DSCAM: variants seen among roughly 807,000 people sequenced by gnomAD.
DSCAM encodes the protein cell adhesion molecule DSCAM.
A neutral mutation model predicts 217.7 loss-of-function variants in DSCAM; 47 were observed. The ratio of observed to expected loss-of-function variants is 0.22; its 90% confidence interval spans 0.17 to 0.28. The LOEUF (loss-of-function observed/expected upper bound fraction) is 0.28, where lower values mean the gene tolerates loss of function less well. Ranked by LOEUF, DSCAM falls within the 10% of genes least tolerant of loss-of-function variation. DSCAM has a pLI of 1.00. For synonymous variants in DSCAM, 1,056 were observed against 1,015.3 expected, an observed-to-expected ratio of 1.04 and a Z score of -0.76; for missense variants, 2,080 against 2,618.3, an observed-to-expected ratio of 0.79 and a Z score of 4.49.
intron 2 of DSCAM, among the ~76,000 whole-genome samples, chr21:40,694,105 C>T (rs1028779837): frequency 6.6e-6 from 1 of 152,140 alleles, no homozygotes; most frequent in African/African-American, 2.4e-5. Flanking sequence ...GAGATGGATC[C>T]CCAGGGTTGG....
chr21:40,693,359 G>C lies in DSCAM; in HGVS notation c.362-403C>G, dbSNP rs2090560073. Among the ~76,000 whole-genome samples the C allele has an allele frequency of 3.9e-5, 6 of 152,176 alleles. No homozygotes were observed. The South Asian group carries it at 1.2e-3, about 32-fold the overall frequency. On this transcript the variant is annotated intron_variant, in intron 2 of 32. Transcript: ENST00000400454. ...GCTGAGATGAGATTACCTGAGCCTG[G>C]GAGGTTGAGGCTGCAGTGAGCTATA... is the stretch of plus-strand genomic sequence containing the variant.
intron 10 of DSCAM, among the ~76,000 whole-genome samples, chr21:40,281,975 C>T (rs1312211909): frequency 6.6e-6 from 1 of 152,050 alleles, no homozygotes; most frequent in South Asian, 2.1e-4. Context: ...TAGTTTTTAA[C>T]CATATATTGA....
At chr21:40,497,954 T>C (rs146899793) in intron 3 of DSCAM, among the ~76,000 whole-genome samples, 200 of 152,320 alleles carry the variant, frequency 1.3e-3, no homozygotes, top group African/African-American at 4.4e-3. Flanking sequence ...AAATATGAAG[T>C]ACTGGATTTC....
chr21:40,338,066 A>G, intron 8 of DSCAM, 35 bp downstream of exon 8: 2 of 1,605,812 alleles, frequency 1.2e-6, no homozygotes, highest in Non-Finnish European at 1.7e-6. Context: ...GGGCTATGGA[A>G]TGAGTTGTGT....
chr21:40,750,484 T>C (rs905202885), intron 1 of DSCAM, among the ~76,000 whole-genome samples: 4 of 152,188 alleles, frequency 2.6e-5, no homozygotes, highest in Non-Finnish European at 5.9e-5. Context: ...CTCTGGACTT[T>C]CTTTCTTTCC....
intron 32 of DSCAM, among the ~76,000 whole-genome samples, chr21:40,030,511 A>T (rs1276845035): frequency 6.6e-6 from 1 of 152,126 alleles, no homozygotes; most frequent in Non-Finnish European, 1.5e-5. Flanking sequence ...TGGTCCAGAG[A>T]GCTGAGCAAA....
At chr21:40,546,436 T>A (rs2076583349) in intron 3 of DSCAM, among the ~76,000 whole-genome samples, 1 of 152,336 alleles carries the variant, frequency 6.6e-6, no homozygotes, top group African/African-American at 2.4e-5. Flanking sequence ...TGGATTCAAA[T>A]AACAGCCACT....
At chr21:40,422,270 AG>A (rs2075431847) in intron 3 of DSCAM, among the ~76,000 whole-genome samples, 1 of 152,178 alleles carries the variant, frequency 6.6e-6, no homozygotes, top group Non-Finnish European at 1.5e-5. Context: ...ATACCCTAAA[AG>A]TCTAAAAGGT....
chr21:40,156,547 G>A (rs924547639), intron 16 of DSCAM, among the ~76,000 whole-genome samples: 2 of 152,148 alleles, frequency 1.3e-5, no homozygotes, highest in Admixed American at 6.6e-5. Context: ...TGAACCAGAA[G>A]CCATTTTTGA....
intron 3 of DSCAM, among the ~76,000 whole-genome samples, chr21:40,650,566 AAGG>A (rs1377533903): frequency 2.0e-5 from 3 of 152,216 alleles, no homozygotes; most frequent in East Asian, 1.9e-4. Context: ...AAGGCAGAAG[AAGG>A]AGGAGTTTTT....
At chr21:40,553,541 TCTAA>T (rs2076646784) in intron 3 of DSCAM, among the ~76,000 whole-genome samples, 1 of 152,338 alleles carries the variant, frequency 6.6e-6, no homozygotes, top group East Asian at 1.9e-4. Context: ...TTCAGATGTG[TCTAA>T]CTCTTTGCAA....
chr21:40,326,362 T>C (rs565558451), intron 8 of DSCAM, among the ~76,000 whole-genome samples: 116 of 152,344 alleles, frequency 7.6e-4, no homozygotes, highest in African/African-American at 2.7e-3. Context: ...CCCTCTTTTA[T>C]TCATTAGAAA....
chr21:40,247,294 C>A (rs1043031808), intron 11 of DSCAM, among the ~76,000 whole-genome samples: 1 of 152,166 alleles, frequency 6.6e-6, no homozygotes, highest in Non-Finnish European at 1.5e-5. Context: ...CAACAGTCCC[C>A]CAAAGTCTTA....
At chr21:40,728,796 T>C (rs1045987907) in intron 1 of DSCAM, among the ~76,000 whole-genome samples, 10 of 152,182 alleles carry the variant, frequency 6.6e-5, no homozygotes, top group African/African-American at 2.4e-4. Flanking sequence ...TCACCCATCA[T>C]TGTCACATTT....
chr21:40,659,493 T>A (rs2090114906), intron 3 of DSCAM, among the ~76,000 whole-genome samples: 2 of 152,188 alleles, frequency 1.3e-5, no homozygotes, highest in East Asian at 1.9e-4. Flanking sequence ...ATCTACTATT[T>A]ATCTATTATC....
chr21:40,425,396 G>A (rs1277431696), intron 3 of DSCAM, among the ~76,000 whole-genome samples: 1 of 152,000 alleles, frequency 6.6e-6, no homozygotes, highest in African/African-American at 2.4e-5. Context: ...GAGAACATGC[G>A]GTGTTTGGTT....
At chr21:40,018,074 AAATTACT>A (rs2146414641) in intron 32 of DSCAM, among the ~76,000 whole-genome samples, 2 of 152,338 alleles carry the variant, frequency 1.3e-5, no homozygotes, top group East Asian at 3.9e-4. Context: ...ATGGCATTGA[AAATTACT>A]AATGTTCGTT....
At chr21:40,578,111 A>G (rs184214244) in intron 3 of DSCAM, among the ~76,000 whole-genome samples, 3 of 152,358 alleles carry the variant, frequency 2.0e-5, no homozygotes, top group East Asian at 1.9e-4. Context: ...TGGTGAGTAT[A>G]TAGGAACAGA....
At chr21:40,259,767 A>G (rs1345358346) in intron 11 of DSCAM, among the ~76,000 whole-genome samples, 1 of 135,116 alleles carries the variant, frequency 7.4e-6, no homozygotes, top group Non-Finnish European at 1.5e-5. Context: ...TCTGCCTCCC[A>G]GGTTCACGCT....
Sources: allele counts gnomAD v4.1 joint callset (sites outside exome capture counted in the v4.1 genomes callset), GRCh38; gene constraint gnomAD v4.1.1; transcripts MANE v1.5; gene names NCBI Gene and HGNC (gene_info 2026-07-23, HGNC 2026-07-21).